KAZN: variants seen among roughly 807,000 people sequenced by gnomAD.
KAZN encodes the protein kazrin, periplakin interacting protein, also known as kazrin.
KAZN carries 40 observed loss-of-function variants against 87.4 expected under a neutral mutation model. That is an observed-to-expected ratio of 0.46 (90% CI 0.36 to 0.60). KAZN has a LOEUF of 0.60. Ranked by LOEUF, KAZN falls within the 20% of genes least tolerant of loss-of-function variation. The pLI is 0.00. For synonymous variants in KAZN, 466 were observed against 458.3 expected (o/e 1.02, Z -0.22); for missense variants, 898 against 1,073.9 (o/e 0.84, Z 2.29).
intron 2 of KAZN, among the ~76,000 whole-genome samples, chr1:14,202,837 C>T (rs1279413345): frequency 1.3e-5 from 2 of 151,938 alleles, no homozygotes; most frequent in Non-Finnish European, 1.5e-5. Flanking sequence ...GCCAACATGC[C>T]AAAATCCCGT....
chr1:14,071,786 C>G (rs1293997179), intron 1 of KAZN, among the ~76,000 whole-genome samples: 1 of 152,174 alleles, frequency 6.6e-6, no homozygotes, highest in Admixed American at 6.5e-5. Flanking sequence ...TGTGGTCTCC[C>G]AGAAATACTT....
At chr1:14,155,695 G>A (rs1167875403) in intron 1 of KAZN, among the ~76,000 whole-genome samples, 2 of 151,886 alleles carry the variant, frequency 1.3e-5, no homozygotes, top group Non-Finnish European at 2.9e-5. Flanking sequence ...TGTTACCCAG[G>A]CTGGAGTGCA....
chr1:14,547,363 G>C (rs557154106), intron 2 of KAZN, among the ~76,000 whole-genome samples: 1 of 152,124 alleles, frequency 6.6e-6, no homozygotes, highest in Admixed American at 6.5e-5. Context: ...GGTAAGGCCT[G>C]AATTCTAGTC....
At chr1:14,327,318 C>T (rs1298081861) in intron 2 of KAZN, among the ~76,000 whole-genome samples, 1 of 152,050 alleles carries the variant, frequency 6.6e-6, no homozygotes, top group Non-Finnish European at 1.5e-5. Flanking sequence ...AACCTCTGAC[C>T]ACACACCTCC....
chr1:14,336,103 G>A (rs1043688615), intron 2 of KAZN, among the ~76,000 whole-genome samples: 2 of 152,218 alleles, frequency 1.3e-5, no homozygotes, highest in Non-Finnish European at 2.9e-5. Flanking sequence ...TATGTGAATA[G>A]GTAATGGAGT....
At chr1:14,454,832 A>C (rs1257011055) in intron 2 of KAZN, among the ~76,000 whole-genome samples, 1 of 152,220 alleles carries the variant, frequency 6.6e-6, no homozygotes, top group Non-Finnish European at 1.5e-5. Flanking sequence ...AGATCTTAGC[A>C]GCTTAAAACA....
chr1:14,572,020 G>A (rs952953872), intron 2 of KAZN, among the ~76,000 whole-genome samples: 2 of 152,158 alleles, frequency 1.3e-5, no homozygotes, highest in African/African-American at 4.8e-5. Flanking sequence ...ACAGGATCCA[G>A]CCAGTGCTAT....
intron 2 of KAZN, among the ~76,000 whole-genome samples, chr1:14,568,643 T>G (rs188048819): frequency 1.7e-3 from 256 of 152,248 alleles, no homozygotes; most frequent in Non-Finnish European, 2.9e-3. Context: ...ACATGGGGAT[T>G]CTTACAATTC....
chr1:14,679,284 CT>C lies in KAZN; in HGVS notation c.226+80072del, dbSNP rs540616636. ...GCCTGGGCCAGAGCTTTTGTTGGGT[CT>C]TTTTTTTTTTGGAAGGAATAGGCAA... On this transcript the variant is annotated intron_variant, in intron 1 of 14. Coordinates refer to ENST00000376030, the MANE Select transcript of KAZN (RefSeq NM_201628.3). Among the ~76,000 whole-genome samples the C allele has an allele frequency of 8.6e-3, 1,236 of 144,228 alleles. 17 individuals are homozygous for C. Among genetic ancestry groups the C allele is most frequent in the African/African-American group, 0.027 (1,078 of 39,734 alleles). The allele number at this position is 144,228 out of a possible 152,430, so 94.6% of individuals were successfully genotyped here. A position where few individuals can be genotyped will look rare whatever the true frequency, so the allele number is the denominator to read the frequency against.
At chr1:13,951,257 C>T (rs1430740791) in intron 1 of KAZN, among the ~76,000 whole-genome samples, 1 of 152,108 alleles carries the variant, frequency 6.6e-6, no homozygotes, top group African/African-American at 2.4e-5. Flanking sequence ...GGACATGGGA[C>T]CTGGAGTTAG....
chr1:13,957,439 C>CTTGG (rs1433208535), intron 1 of KAZN, among the ~76,000 whole-genome samples: 1 of 152,068 alleles, frequency 6.6e-6, no homozygotes, highest in African/African-American at 2.4e-5. Flanking sequence ...CATGGAGTGA[C>CTTGG]TTGGGGATGG....
chr1:14,962,919 T>A (rs1398643822), intron 2 of KAZN, among the ~76,000 whole-genome samples: 1 of 152,140 alleles, frequency 6.6e-6, no homozygotes, highest in Non-Finnish European at 1.5e-5. Context: ...CCTAGCCTCT[T>A]TAAACCTACA....
intron 1 of KAZN, among the ~76,000 whole-genome samples, chr1:13,924,758 C>T (rs935535047): frequency 2.0e-5 from 3 of 152,292 alleles, no homozygotes; most frequent in Admixed American, 6.5e-5. Context: ...CTCTTCCATA[C>T]GTTGATTGAT....
At chr1:14,291,908 T>G (rs548086150) in intron 2 of KAZN, among the ~76,000 whole-genome samples, 1 of 152,308 alleles carries the variant, frequency 6.6e-6, no homozygotes, top group Admixed American at 6.5e-5. Context: ...GAAGGATGTG[T>G]TGCTTCTCCT....
intron 14 of KAZN, chr1:15,113,626 C>T (rs144623307): frequency 6.6e-6 from 1 of 151,696 alleles, no homozygotes; most frequent in East Asian, 1.9e-4. Context: ...AGGACTTACT[C>T]GGTGCAAGCA....
At chr1:14,884,979 G>A (rs72870381) in intron 1 of KAZN, among the ~76,000 whole-genome samples, 4 of 152,218 alleles carry the variant, frequency 2.6e-5, no homozygotes, top group Admixed American at 6.5e-5. Context: ...AACACGTATC[G>A]TAATGCTGTG....
chr1:14,700,303 C>G (rs894944722), intron 1 of KAZN, among the ~76,000 whole-genome samples: 3 of 152,084 alleles, frequency 2.0e-5, no homozygotes, highest in African/African-American at 7.2e-5. Flanking sequence ...GAAACCCTGT[C>G]TCTACTAAAA....
intron 2 of KAZN, among the ~76,000 whole-genome samples, chr1:14,428,881 T>TGGG: frequency 6.6e-6 from 1 of 152,116 alleles, no homozygotes; most frequent in East Asian, 1.9e-4. Context: ...GAGATATGGG[T>TGGG]GGGGACACAG....
chr1:14,339,300 A>C (rs894491257), intron 2 of KAZN, among the ~76,000 whole-genome samples: 5 of 152,214 alleles, frequency 3.3e-5, no homozygotes, highest in African/African-American at 1.2e-4. Flanking sequence ...GAAACACTAT[A>C]GACCCTGAGC....
Sources: gnomAD v4.1 joint callset for allele counts (sites outside exome capture counted in the v4.1 genomes callset) on GRCh38, gnomAD v4.1.1 for gene constraint, MANE v1.5 for transcripts, NCBI Gene and HGNC (gene_info 2026-07-23, HGNC 2026-07-21) for gene names.